TEKT5: variants seen among roughly 807,000 people sequenced by gnomAD.
TEKT5 encodes the protein tektin-5.
In TEKT5, 52 loss-of-function variants were observed where a neutral mutation model predicts 48.7. The observed-to-expected ratio is 1.07, with a 90% CI of 0.86 to 1.35. The LOEUF (loss-of-function observed/expected upper bound fraction) is 1.35. TEKT5 is among the 40% of genes most tolerant of loss of function. The probability of loss-of-function intolerance (pLI) is 0.00; values close to 1 mark genes in which losing one functional copy is unlikely to be tolerated. For missense variants in TEKT5, 831 were observed against 641.6 expected, an observed-to-expected ratio of 1.30 and a Z score of -3.19; for synonymous variants, 318 against 267.6, an observed-to-expected ratio of 1.19 and a Z score of -1.84.
intron 3 of TEKT5, among the ~76,000 whole-genome samples, chr16:10,685,470 T>C (rs1898847270): frequency 6.6e-6 from 1 of 152,144 alleles, no homozygotes; most frequent in South Asian, 2.1e-4. Flanking sequence ...GCTAATTTTG[T>C]GTTTTTAGTA....
Position 10,668,067 on chromosome 16 carries a change from G to A in TEKT5, c.1086+7892C>T, listed in dbSNP as rs2541510. 1.6e-3 allele frequency among the ~76,000 whole-genome samples: 240 copies of A among 152,142 alleles called. 1 individual carries two copies. Among genetic ancestry groups the A allele is most frequent in the African/African-American group, 5.6e-3 (231 of 41,478 alleles). On this transcript the variant is annotated intron_variant, in intron 5 of 6. Transcript: ENST00000283025. ...TAATTTTTGTATTTTTAGTAGAAAC[G>A]GAGGTTTCACCATGTTGGCCAGGCT...
At chr16:10,635,984 G>C (rs558181806) in intron 5 of TEKT5, 66 bp from the exon 6 acceptor site, 3 of 1,581,166 alleles carry the variant, frequency 1.9e-6, no homozygotes, top group Non-Finnish European at 2.6e-6. Flanking sequence ...CTGGGGGCCT[G>C]GGGGGAGCAA....
rs73507922 is a variant in TEKT5 at position 10,628,455 on chromosome 16, C to T, written c.1242-656G>A. On this transcript the variant is annotated intron_variant, in intron 6 of 6. Transcript: ENST00000283025. ...TATACCCAAAAGAACAGAAAACAGGCGTTCAAACCAAAATATGTACATGAA... is the reference window on the plus strand; with the variant it reads ...TATACCCAAAAGAACAGAAAACAGGTGTTCAAACCAAAATATGTACATGAA... Among the ~76,000 whole-genome samples, 432 of 152,250 alleles carry T rather than the reference C, an allele frequency of 2.8e-3. 3 individuals carry two copies. Among genetic ancestry groups the T allele is most frequent in the African/African-American group, 0.01 (417 of 41,546 alleles).
At chr16:10,675,325 G>A (rs540244083) in intron 5 of TEKT5, among the ~76,000 whole-genome samples, 7 of 152,274 alleles carry the variant, frequency 4.6e-5, no homozygotes, top group African/African-American at 1.7e-4. Context: ...CTGGCACCCA[G>A]TGGGAATCTA....
At chr16:10,680,873 G>A (rs548568412) in intron 4 of TEKT5, among the ~76,000 whole-genome samples, 3 of 102,542 alleles carry the variant, frequency 2.9e-5, no homozygotes, top group African/African-American at 7.1e-5. Flanking sequence ...GTGGGGGGAG[G>A]GGGGAGGGAT....
At chr16:10,672,677 G>C (rs1435961953) in intron 5 of TEKT5, among the ~76,000 whole-genome samples, 1 of 152,104 alleles carries the variant, frequency 6.6e-6, no homozygotes, top group East Asian at 1.9e-4. Flanking sequence ...AAGCAGTAGG[G>C]GGACAAGGTT....
chr16:10,672,509 T>C (rs1007436466), intron 5 of TEKT5, among the ~76,000 whole-genome samples: 1 of 152,074 alleles, frequency 6.6e-6, no homozygotes, highest in African/African-American at 2.4e-5. Context: ...GGCAGGAGAA[T>C]CACTTGAACC....
chr16:10,635,433 C>T (rs1030472524), intron 6 of TEKT5, among the ~76,000 whole-genome samples: 6 of 152,034 alleles, frequency 3.9e-5, no homozygotes, highest in Non-Finnish European at 5.9e-5. Context: ...ACCTGGGAGG[C>T]GACCATTCAT....
At chr16:10,676,204 T>A in intron 4 of TEKT5, 23 bp from the exon 5 acceptor site, 2 of 1,612,576 alleles carry the variant, frequency 1.2e-6, no homozygotes, top group Non-Finnish European at 1.7e-6. Context: ...AAGGGTGAGT[T>A]GCAGCAGTCC....
chr16:10,640,068 T>TTTTTCCTTC (rs1897970349), intron 5 of TEKT5, among the ~76,000 whole-genome samples: 1 of 85,624 alleles, frequency 1.2e-5, no homozygotes, highest in African/African-American at 7.4e-5. Context: ...CTCCTTTTTC[T>TTTTTCCTTC]TTCTCCTTCT....
chr16:10,689,233 A>T lies in TEKT5; in HGVS notation c.719+20T>A. The stretch of plus-strand genomic sequence containing the variant: ...AACAAACCCCAAGGAGAGGGAATTA[A>T]AAAAAAAAAAAGCCCTTACCGCATC... On this transcript the variant is annotated intron_variant, in intron 3 of 6. Coordinates refer to ENST00000283025, the MANE Select transcript of TEKT5 (RefSeq NM_144674.2). 1 of 1,107,868 alleles carries T rather than the reference A, an allele frequency of 9.0e-7. No homozygotes were observed. The allele number at this position is 1,107,868 out of a possible 1,614,324, so 68.6% of individuals were successfully genotyped here.
rs778754259 is a variant in TEKT5 at position 10,690,026 on chromosome 16, C to G, written c.565-1G>C. On this transcript the variant is annotated splice_acceptor_variant, in intron 1 of 6. Transcript: ENST00000283025. LOFTEE classifies it high-confidence loss of function. ...GATGGTACAGACACTCCAAGGCCAC[C>G]TGTGGGAAGCAGCAGAAAGAACGTA... 4 of 1,613,874 alleles carry G rather than the reference C, an allele frequency of 2.5e-6. No homozygotes were observed. The African/African-American group carries it at 5.3e-5, about 22-fold the overall frequency.
In TEKT5 at chr16:10,635,730, G is replaced by A. The variant is rs754584167; in HGVS notation, c.1241+34C>T. The A allele has an allele frequency of 5.6e-6, 9 of 1,595,964 alleles. No individual in the cohort carries two copies. The South Asian group carries it at 8.9e-5, about 16-fold the overall frequency. ...CCCTTCCCGTTCCTGGATTCCCAGGGGTTCTCCTGCCTCCTCTGGCCTCCC... is the reference window on the plus strand; with the variant it reads ...CCCTTCCCGTTCCTGGATTCCCAGGAGTTCTCCTGCCTCCTCTGGCCTCCC... On this transcript the variant is annotated intron_variant, in intron 6 of 6. Transcript: ENST00000283025.
chr16:10,669,352 G>A (rs1001992729), intron 5 of TEKT5, among the ~76,000 whole-genome samples: 4 of 151,392 alleles, frequency 2.6e-5, no homozygotes, highest in South Asian at 2.1e-4. Context: ...CCAGCTACTC[G>A]GAAAGCTGAG....
intron 5 of TEKT5, among the ~76,000 whole-genome samples, chr16:10,651,518 GATA>G (rs560569324): frequency 6.6e-6 from 1 of 152,190 alleles, no homozygotes; most frequent in Admixed American, 6.5e-5. Flanking sequence ...TAATGATGAT[GATA>G]ATAATAATAT....
chr16:10,665,650 C>T (rs544910970), intron 5 of TEKT5, among the ~76,000 whole-genome samples: 1 of 152,260 alleles, frequency 6.6e-6, no homozygotes, highest in South Asian at 2.1e-4. Flanking sequence ...CCTGACCAGC[C>T]CACCTTTTGG....
At chr16:10,681,850 G>A (rs547275300) in intron 4 of TEKT5, 143 bp downstream of exon 4, 13 of 1,125,612 alleles carry the variant, frequency 1.2e-5, no homozygotes, top group South Asian at 4.8e-5. Flanking sequence ...GGATTCTGCC[G>A]CCTGCGCTAG....
intron 5 of TEKT5, among the ~76,000 whole-genome samples, chr16:10,640,189 T>C (rs1270656893): frequency 7.1e-6 from 1 of 141,000 alleles, no homozygotes; most frequent in African/African-American, 2.7e-5. Context: ...GTTGCTCAGA[T>C]TGAAGAGCAG....
intron 3 of TEKT5, among the ~76,000 whole-genome samples, chr16:10,683,274 G>C (rs1400816633): frequency 6.6e-6 from 1 of 151,718 alleles, no homozygotes; most frequent in Non-Finnish European, 1.5e-5. Context: ...TCAGGATCAG[G>C]AACTGGGTGG....
Sources: gnomAD v4.1 joint callset for allele counts (sites outside exome capture counted in the v4.1 genomes callset) on GRCh38, gnomAD v4.1.1 for gene constraint, MANE v1.5 for transcripts, NCBI Gene and HGNC (gene_info 2026-07-23, HGNC 2026-07-21) for gene names.